PCDH7: variants seen among roughly 807,000 people sequenced by gnomAD.
The protein encoded by PCDH7 is protocadherin-7.
In PCDH7, 17 loss-of-function variants were observed where a neutral mutation model predicts 58.9. The ratio of observed to expected loss-of-function variants is 0.29; its 90% CI spans 0.20 to 0.43. The LOEUF (loss-of-function observed/expected upper bound fraction) is 0.43. Among genes scored for constraint, PCDH7 ranks in the 20% least tolerant of loss-of-function variants. PCDH7 has a pLI of 1.00. For missense variants in PCDH7, 1,274 were observed against 1,441.0 expected (o/e 0.88, Z 1.88); for synonymous variants, 664 against 616.4 (o/e 1.08, Z -1.14).
intron 1 of PCDH7, among the ~76,000 whole-genome samples, chr4:30,873,917 AT>A (rs1264215916): frequency 6.6e-6 from 1 of 152,130 alleles, no homozygotes; most frequent in Non-Finnish European, 1.5e-5. Context: ...AAAAGTCTAA[AT>A]AACCCTAACA....
intron 1 of PCDH7, among the ~76,000 whole-genome samples, chr4:30,840,087 T>A (rs2109337587): frequency 6.6e-6 from 1 of 151,876 alleles, no homozygotes; most frequent in South Asian, 2.1e-4. Flanking sequence ...TAGGGGTAGT[T>A]GAACAAAATA....
At chr4:31,022,466 G>A (rs936241157) in intron 3 of PCDH7, among the ~76,000 whole-genome samples, 3 of 152,084 alleles carry the variant, frequency 2.0e-5, no homozygotes, top group African/African-American at 4.8e-5. Context: ...CTGAAGCTTG[G>A]TGGGAAAGTA....
intron 3 of PCDH7, among the ~76,000 whole-genome samples, chr4:31,013,010 G>C (rs537884829): frequency 6.7e-6 from 1 of 150,136 alleles, no homozygotes; most frequent in East Asian, 2.2e-4. Context: ...GTGAGAGATG[G>C]TCTCTACAAA....
At chr4:30,903,901 CTA>C (rs1269925436) in intron 1 of PCDH7, among the ~76,000 whole-genome samples, 1 of 152,006 alleles carries the variant, frequency 6.6e-6, no homozygotes, top group Non-Finnish European at 1.5e-5. Context: ...ACTATAAAGA[CTA>C]TTTTGATGAT....
rs547603053 is a variant in PCDH7 at position 30,758,838 on chromosome 4, T to C, written c.70+34242T>C. 1.1e-3 allele frequency among the ~76,000 whole-genome samples: 173 copies of C among 152,268 alleles called. 1 individual carries two copies. Among genetic ancestry groups the C allele is most frequent in the African/African-American group, 3.7e-3 (155 of 41,550 alleles). On this transcript the variant is annotated intron_variant, in intron 1 of 3. Transcript: ENST00000509759. ...AAATTATTGATGCAGTTATTCTAAT[T>C]GAGTAGGGTATTTCTTAGAAACTCT... is the stretch of plus-strand genomic sequence containing the variant.
chr4:31,001,652 G>T (rs929701321), intron 3 of PCDH7, among the ~76,000 whole-genome samples: 1 of 152,032 alleles, frequency 6.6e-6, no homozygotes, highest in South Asian at 2.1e-4. Context: ...ATTTTAAAAA[G>T]AAGTTAAAAA....
intron 3 of PCDH7, among the ~76,000 whole-genome samples, chr4:31,047,909 C>T (rs1279040214): frequency 8.5e-5 from 13 of 152,106 alleles, no homozygotes; most frequent in Non-Finnish European, 1.6e-4. Context: ...ACTGTAGTGA[C>T]TTCTTAAATT....
chr4:31,087,516 C>T (rs1257654995), intron 3 of PCDH7, among the ~76,000 whole-genome samples: 3 of 151,994 alleles, frequency 2.0e-5, no homozygotes, highest in African/African-American at 7.2e-5. Context: ...TTTAGGGAAC[C>T]AGTCTGGTAT....
chr4:31,063,490 G>A (rs1325920088), intron 3 of PCDH7, among the ~76,000 whole-genome samples: 1 of 151,352 alleles, frequency 6.6e-6, no homozygotes, highest in Non-Finnish European at 1.5e-5. Context: ...ATAAATAATG[G>A]TAATTATTAT....
At chr4:31,091,978 G>A (rs1713312437) in intron 3 of PCDH7, among the ~76,000 whole-genome samples, 1 of 151,840 alleles carries the variant, frequency 6.6e-6, no homozygotes, top group African/African-American at 2.4e-5. Context: ...CATTCTGGTG[G>A]TCGTCTGAGT....
intron 1 of PCDH7, chr4:30,725,349 T>C: frequency 1.1e-6 from 1 of 921,006 alleles, no homozygotes; most frequent in Non-Finnish European, 1.3e-6. Flanking sequence ...TTAAGCCAAG[T>C]AATGAAAATA....
intron 1 of PCDH7, among the ~76,000 whole-genome samples, chr4:30,867,712 G>A (rs1290430917): frequency 1.3e-5 from 2 of 152,046 alleles, no homozygotes; most frequent in African/African-American, 4.8e-5. Context: ...AAACAGACAT[G>A]CAGTGTGATG....
intron 2 of PCDH7, among the ~76,000 whole-genome samples, chr4:30,924,844 T>C (rs1385938046): frequency 6.6e-6 from 1 of 151,672 alleles, no homozygotes; most frequent in African/African-American, 2.4e-5. Flanking sequence ...AAATAATATA[T>C]ATTTTTCTGT....
chr4:30,723,808 C>G lies in PCDH7; in HGVS notation c.2386C>G (p.Pro796Ala). The change falls in exon 1 of 2, where the codon CCC (proline) becomes GCC (alanine). Residue 796 changes from proline to alanine, a missense_variant. By Grantham distance (27) the Pro-to-Ala change is conservative (BLOSUM62 -1). This residue lies in a region of PCDH7 where 731 missense variants were observed against 881.9 expected (regional missense o/e 0.83). Coordinates refer to ENST00000361762, the Ensembl canonical transcript of PCDH7. This position sits in a 1 kb window ranked among gnomAD's most constrained non-coding sequence, Gnocchi z 4.6. ...TCCCTTCAAGCTGTTTGAAATTGAT[C>G]CCACTAGTGGTGTGGTTTCCTTAGT... The G allele has an allele frequency of 6.2e-7, 1 of 1,614,110 alleles. No homozygotes were observed. Among genetic ancestry groups the G allele is most frequent in the Non-Finnish European group, 8.5e-7 (1 of 1,180,018 alleles).
At chr4:30,880,439 A>G (rs72619196) in intron 1 of PCDH7, among the ~76,000 whole-genome samples, 29,322 of 152,150 alleles carry the variant, frequency 0.19, 3,542 homozygotes, top group East Asian at 0.28. Flanking sequence ...TGTGGGACAC[A>G]GAGGTATCAT....
Position 30,901,908 on chromosome 4 carries a change from G to A in PCDH7, c.71-18245G>A, listed in dbSNP as rs1039612135. Among the ~76,000 whole-genome samples, 6 of 152,244 alleles carry A rather than the reference G, an allele frequency of 3.9e-5. No homozygotes were observed. In the South Asian group the frequency reaches 6.2e-4, roughly 16 times the overall value. On this transcript the variant is annotated intron_variant, in intron 1 of 3. Transcript: ENST00000509759. Reference sequence around the variant, plus strand: ...AATATATTCAGAAGTCTCAGTGCCTGTTTATCAACTTCTTAAGGTTCAGTC... The same window carrying A: ...AATATATTCAGAAGTCTCAGTGCCTATTTATCAACTTCTTAAGGTTCAGTC...
At chr4:31,141,090 T>C (rs1720196506) in intron 3 of PCDH7, among the ~76,000 whole-genome samples, 1 of 152,244 alleles carries the variant, frequency 6.6e-6, no homozygotes, top group East Asian at 1.9e-4. Context: ...AGCCTTCATT[T>C]AGGAGATTTA....
At chr4:30,725,738 C>A (rs1426809203) in intron 1 of PCDH7, among the ~76,000 whole-genome samples, 1 of 152,034 alleles carries the variant, frequency 6.6e-6, no homozygotes, top group African/African-American at 2.4e-5. Flanking sequence ...ATTAAACATG[C>A]TTTGCATGTG....
At chr4:31,110,208 T>G (rs1716110981) in intron 3 of PCDH7, among the ~76,000 whole-genome samples, 1 of 152,234 alleles carries the variant, frequency 6.6e-6, no homozygotes, top group Non-Finnish European at 1.5e-5. Context: ...TTTAAGGCCA[T>G]GTGTCTTATT....
Sources: allele counts gnomAD v4.1 joint callset (sites outside exome capture counted in the v4.1 genomes callset), GRCh38; gene constraint gnomAD v4.1.1; regional missense constraint gnomAD v4.1.1; non-coding constraint Gnocchi (gnomAD v3.1); transcripts MANE v1.5; gene names NCBI Gene and HGNC (gene_info 2026-07-23, HGNC 2026-07-21).